DDX6: variants seen among roughly 807,000 people sequenced by gnomAD.
DDX6 encodes DEAD-box helicase 6.
A neutral mutation model predicts 60.6 loss-of-function variants in DDX6; 7 were observed. That is an observed-to-expected ratio of 0.12 (90% CI 0.07 to 0.22). The LOEUF is 0.22. Among genes scored for constraint, DDX6 ranks in the 10% least tolerant of loss-of-function variants. The pLI, the probability that DDX6 is intolerant of heterozygous loss-of-function variation, is 1.00. For synonymous variants in DDX6, 207 were observed against 201.0 expected (o/e 1.03, Z -0.25); for missense variants, 270 against 589.9 (o/e 0.46, Z 5.62).
At chr11:118,787,607 G>T (rs1862119763) in intron 1 of DDX6, 1 of 152,214 alleles carries the variant, frequency 6.6e-6, no homozygotes, top group Non-Finnish European at 1.5e-5. Flanking sequence ...GGAGGCTGCA[G>T]TGAGCCAGGT....
intron 2 of DDX6, chr11:118,785,734 G>C (rs1490591757): frequency 5.1e-6 from 1 of 197,586 alleles, no homozygotes; most frequent in Non-Finnish European, 1.0e-5. Context: ...AAAACGAGAT[G>C]ACTAATAATT....
At chr11:118,779,326 T>C (rs934357017) in intron 4 of DDX6, among the ~76,000 whole-genome samples, 2 of 151,966 alleles carry the variant, frequency 1.3e-5, no homozygotes, top group Admixed American at 1.3e-4. Flanking sequence ...AGAAAAAAAC[T>C]GCTATAAAGG....
rs1347439028 is a variant in DDX6, at chr11:118,747,911, C to CT, written c.*4193_*4194insA. 4.5e-5 allele frequency: 6 copies of CT among 133,802 alleles called. No homozygotes were observed. The highest frequency in any genetic ancestry group is 8.0e-5 in the Non-Finnish European group (5 of 62,662). The allele number at this position is 133,802 out of a possible 1,614,324, so 8.3% of individuals were successfully genotyped here. A position where few individuals can be genotyped will look rare whatever the true frequency, so the allele number is the denominator to read the frequency against. On this transcript the variant is annotated 3_prime_UTR_variant, in exon 14 of 14. Transcript: ENST00000534980. ...CCCAACAAAAACAGAGCCCCCCCCC[C>CT]CCCCACTGGAACATCTGCCAATTAA...
At chr11:118,775,101 G>T (rs1434476939) in intron 4 of DDX6, among the ~76,000 whole-genome samples, 1 of 152,066 alleles carries the variant, frequency 6.6e-6, no homozygotes, top group Non-Finnish European at 1.5e-5. Flanking sequence ...GATCGCCTGA[G>T]GTCAGGAGTT....
rs557696047 is a variant in DDX6, at chr11:118,751,054, A to T, written c.*1051T>A. The T allele has an allele frequency of 6.3e-3, 854 of 135,014 alleles. 4 individuals are homozygous for T. Among genetic ancestry groups the T allele is most frequent in the Non-Finnish European group, 7.8e-3 (485 of 62,416 alleles). 8.4% of individuals were successfully genotyped at this position (135,014 alleles called of 1,614,324 possible). A position where few individuals can be genotyped will look rare whatever the true frequency, so the allele number is the denominator to read the frequency against. ...TCCCAGCAACCTTCATCCAAAAAAA[A>T]ATATATATATATGTATATATATATA... On this transcript the variant is annotated 3_prime_UTR_variant, in exon 14 of 14. Coordinates refer to ENST00000534980, the MANE Select transcript of DDX6 (RefSeq NM_004397.6).
chr11:118,750,183 T>C lies in DDX6; in HGVS notation c.*1922A>G, dbSNP rs1261196047. ...TATGGAAATCAATTTTTTTTAATTT[T>C]GTTTTTTGCTTTTTTCCCCCCCTTT... On this transcript the variant is annotated 3_prime_UTR_variant, in exon 14 of 14. Coordinates refer to ENST00000534980, the MANE Select transcript of DDX6 (RefSeq NM_004397.6). 3 of 152,612 alleles carry C rather than the reference T, an allele frequency of 2.0e-5. No homozygotes were observed. Among genetic ancestry groups the C allele is most frequent in the African/African-American group, 7.2e-5 (3 of 41,456 alleles). 9.5% of individuals were successfully genotyped at this position (152,612 alleles called of 1,614,324 possible). A position where few individuals can be genotyped will look rare whatever the true frequency, so the allele number is the denominator to read the frequency against.
Position 118,751,773 on chromosome 11 carries a change from A to G in DDX6, c.*332T>C. The G allele has an allele frequency of 2.3e-5, 8 of 346,696 alleles. No individual in the cohort carries two copies. Among genetic ancestry groups the G allele is most frequent in the South Asian group, 1.8e-4 (8 of 45,206 alleles). 21.5% of individuals were successfully genotyped at this position (346,696 alleles called of 1,614,324 possible). A position where few individuals can be genotyped will look rare whatever the true frequency, so the allele number is the denominator to read the frequency against. ...AAATCATTGACAAGCTTGTGTGTTC[A>G]TTAAGATTCTTCTCTTTTTAGGGTT... On this transcript the variant is annotated 3_prime_UTR_variant, in exon 14 of 14. Transcript: ENST00000534980.
Position 118,764,629 on chromosome 11 carries a change from C to A in DDX6, c.646+580G>T, listed in dbSNP as rs1301187088. Among the ~76,000 whole-genome samples the A allele has an allele frequency of 2.0e-5, 3 of 152,104 alleles. No individual in the cohort carries two copies. The South Asian group carries it at 6.2e-4, about 32-fold the overall frequency. ...ACCATCCTGGCTAATACGGTGAAAC[C>A]CCGTCTCTACTAAAAACACAAAAAT... On this transcript the variant is annotated intron_variant, in intron 6 of 13. Transcript: ENST00000534980.
At position 118,773,620 on chromosome 11, in the gene DDX6, G is replaced by A. The variant is rs550600962; in HGVS notation, c.370-5268C>T. 3.0e-4 allele frequency among the ~76,000 whole-genome samples: 45 copies of A among 151,704 alleles called. 1 individual carries two copies. The South Asian group carries it at 5.6e-3, about 19-fold the overall frequency. ...AAAACAACCTATGGTTACTCCAGAC[G>A]AGGTAGCAATGATTGTTACAAATGT... On this transcript the variant is annotated intron_variant, in intron 4 of 13. Transcript: ENST00000534980.
chr11:118,764,445 G>C (rs1861281301), intron 6 of DDX6, among the ~76,000 whole-genome samples: 1 of 151,922 alleles, frequency 6.6e-6, no homozygotes, highest in South Asian at 2.1e-4. Flanking sequence ...CCACCCCATA[G>C]CAAACAACTT....
At position 118,748,435 on chromosome 11, in the gene DDX6, C is replaced by G. The variant is rs1387516973; in HGVS notation, c.*3670G>C. The G allele has an allele frequency of 6.6e-6, 1 of 152,140 alleles. No individual in the cohort carries two copies. Among genetic ancestry groups the G allele is most frequent in the Non-Finnish European group, 1.5e-5 (1 of 68,036 alleles). The allele number at this position is 152,140 out of a possible 1,614,324, so 9.4% of individuals were successfully genotyped here. ...AGTACAACTACAATCTCACAGAAGT[C>G]CACTAAAGTTCACCAAAAAGCTGAC... On this transcript the variant is annotated 3_prime_UTR_variant, in exon 14 of 14. Coordinates refer to ENST00000534980, the MANE Select transcript of DDX6 (RefSeq NM_004397.6).
chr11:118,773,385 T>C (rs1157295680), intron 4 of DDX6, among the ~76,000 whole-genome samples: 5 of 151,010 alleles, frequency 3.3e-5, no homozygotes, highest in African/African-American at 7.3e-5. Context: ...CTGGCTAACA[T>C]GGTGAAACCC....
chr11:118,789,934 A>G (rs1215336412), intron 1 of DDX6: 1 of 104,588 alleles, frequency 9.6e-6, no homozygotes, highest in Non-Finnish European at 2.4e-5. Context: ...CAAAAAACAA[A>G]AAAACAAAAA....
Position 118,754,772 on chromosome 11 carries a change from A to G in DDX6, c.1392T>C (p.Ile464=). 1.2e-6 allele frequency: 2 copies of G among 1,613,724 alleles called. No homozygotes were observed. Among genetic ancestry groups the G allele is most frequent in the Non-Finnish European group, 1.7e-6 (2 of 1,179,830 alleles). ...GTEIKPIPSN[I]DKSLYVAEYH... is the part of the protein sequence containing the mutation. Reference sequence around the variant, plus strand: ...ATTCTGCCACATACAGGCTCTTATCAATGTTGCTCGGAATAGGTTTAATTT... The same window carrying G: ...ATTCTGCCACATACAGGCTCTTATCGATGTTGCTCGGAATAGGTTTAATTT... The change falls in exon 13 of 14, where the codon ATT becomes ATC. Residue 464 remains isoleucine (I), a synonymous_variant. Transcript: ENST00000534980.
At chr11:118,780,994 G>T in intron 3 of DDX6, 127 bp downstream of exon 3, 1 of 612,256 alleles carries the variant, frequency 1.6e-6, no homozygotes, top group Non-Finnish European at 3.0e-6. Flanking sequence ...TATCTTACTG[G>T]GTTGGAGGAG....
chr11:118,781,206 T>TG, intron 2 of DDX6, 22 bp from the exon 3 acceptor site: 1 of 1,511,922 alleles, frequency 6.6e-7, no homozygotes, highest in East Asian at 2.3e-5. Flanking sequence ...ACAGTAAACT[T>TG]GAAGTATCAA....
chr11:118,769,078 G>A (rs1432763012), intron 4 of DDX6, among the ~76,000 whole-genome samples: 2 of 148,630 alleles, frequency 1.3e-5, no homozygotes, highest in East Asian at 4.0e-4. Flanking sequence ...GATCACTTGA[G>A]CCCAGGAGTT....
intron 4 of DDX6, among the ~76,000 whole-genome samples, chr11:118,778,686 G>GA (rs1259650769): frequency 6.6e-6 from 1 of 151,918 alleles, no homozygotes; most frequent in East Asian, 1.9e-4. Context: ...TTATAGAAGG[G>GA]AAAAACCACA....
In DDX6 at chr11:118,751,322, GTTT is replaced by G. The variant is rs529370377; in HGVS notation, c.*780_*782del. The G allele has an allele frequency of 2.0e-5, 3 of 151,614 alleles. No homozygotes were observed. The highest frequency in any genetic ancestry group is 2.1e-4 in the South Asian group (1 of 4,818). 9.4% of individuals were successfully genotyped at this position (151,614 alleles called of 1,614,324 possible). On this transcript the variant is annotated 3_prime_UTR_variant, in exon 14 of 14. Coordinates refer to ENST00000534980, the MANE Select transcript of DDX6 (RefSeq NM_004397.6). ...TGCTCTTTCCTTTGGGAGCGATGATGTTTTTTATCTACTCAGCCCAGAAGAAAT... is the reference window on the plus strand; with the variant it reads ...TGCTCTTTCCTTTGGGAGCGATGATGTTTATCTACTCAGCCCAGAAGAAAT...
Sources: allele counts gnomAD v4.1 joint callset (sites outside exome capture counted in the v4.1 genomes callset), GRCh38; gene constraint gnomAD v4.1.1; transcripts MANE v1.5; gene names NCBI Gene and HGNC (gene_info 2026-07-23, HGNC 2026-07-21).